Variants in NYAP2 observed in about 807,000 individuals in gnomAD.
The protein encoded by NYAP2 is neuronal tyrosine-phosphorylated phosphoinositide-3-kinase adaptor 2.
Under a neutral mutation model 50.4 loss-of-function variants are expected in NYAP2, and 23 were observed. The ratio of observed to expected loss-of-function variants is 0.46; its 90% confidence interval spans 0.33 to 0.65. The LOEUF (loss-of-function observed/expected upper bound fraction) is 0.65, where lower values mean the gene tolerates loss of function less well. NYAP2 is among the 30% of genes least tolerant of loss of function. NYAP2 has a pLI of 0.02. For missense variants in NYAP2, 885 were observed against 861.0 expected (o/e 1.03, Z -0.35); for synonymous variants, 394 against 365.2 (o/e 1.08, Z -0.90).
At chr2:225,491,130 A>G (rs566346922) in intron 3 of NYAP2, among the ~76,000 whole-genome samples, 64 of 152,350 alleles carry the variant, frequency 4.2e-4, no homozygotes, top group African/African-American at 1.2e-3. Flanking sequence ...GACTGTAAAA[A>G]GGCAAAAAAG....
intron 4 of NYAP2, among the ~76,000 whole-genome samples, chr2:225,579,031 T>A (rs1441288466): frequency 6.6e-6 from 1 of 151,586 alleles, no homozygotes; most frequent in Non-Finnish European, 1.5e-5. Flanking sequence ...GGCATGCACG[T>A]GCACGCACAC....
intron 4 of NYAP2, among the ~76,000 whole-genome samples, chr2:225,530,039 CA>C (rs1331715458): frequency 6.6e-6 from 1 of 152,082 alleles, no homozygotes; most frequent in Non-Finnish European, 1.5e-5. Flanking sequence ...GTATACCTGA[CA>C]AAAACATTTT....
intron 2 of NYAP2, among the ~76,000 whole-genome samples, chr2:225,406,840 A>G (rs925034387): frequency 6.6e-6 from 1 of 152,078 alleles, no homozygotes; most frequent in African/African-American, 2.4e-5. Context: ...ATTAACTTTC[A>G]GAGGTAAACA....
At chr2:225,427,859 C>T (rs918977689) in intron 3 of NYAP2, among the ~76,000 whole-genome samples, 2 of 152,146 alleles carry the variant, frequency 1.3e-5, no homozygotes, top group African/African-American at 2.4e-5. Context: ...CAGATCTTTG[C>T]TGGTGTCTCT....
At chr2:225,474,383 C>T (rs574568558) in intron 3 of NYAP2, among the ~76,000 whole-genome samples, 1 of 152,290 alleles carries the variant, frequency 6.6e-6, no homozygotes, top group African/African-American at 2.4e-5. Flanking sequence ...GGCATTGAAT[C>T]TATAAATTAC....
chr2:225,443,598 G>A (rs1392909376), intron 3 of NYAP2, among the ~76,000 whole-genome samples: 1 of 151,856 alleles, frequency 6.6e-6, no homozygotes, highest in East Asian at 1.9e-4. Context: ...GCAAGACTCT[G>A]TCTAAAATAA....
chr2:225,663,009 T>C, the NYAP2 span, among the ~76,000 whole-genome samples: 75 of 152,324 alleles, frequency 4.9e-4, no homozygotes, highest in East Asian at 0.014. Context: ...AAGCACACTT[T>C]AGACCAGAAG....
chr2:225,453,945 G>A (rs1689694228), intron 3 of NYAP2, among the ~76,000 whole-genome samples: 1 of 151,482 alleles, frequency 6.6e-6, no homozygotes. Context: ...CCAAAGTGCT[G>A]GGATTATAGG....
intron 4 of NYAP2, among the ~76,000 whole-genome samples, chr2:225,560,007 TG>T (rs1361688040): frequency 2.6e-5 from 4 of 152,106 alleles, no homozygotes; most frequent in Non-Finnish European, 4.4e-5. Flanking sequence ...ATATTATAGT[TG>T]CTTATTTTAA....
rs972038991 is a variant in NYAP2 at position 225,505,441 on chromosome 2, A to G, written c.222-7930A>G. Among the ~76,000 whole-genome samples the G allele has an allele frequency of 3.9e-5, 6 of 152,338 alleles. No individual in the cohort carries two copies. In the South Asian group the frequency reaches 8.3e-4, roughly 21 times the overall value. ...AACAATTTGAAGAAAATATGAACAC[A>G]GTTTAATTTTACTGAAGCCAAGTTT... is the stretch of plus-strand genomic sequence containing the variant. On this transcript the variant is annotated intron_variant, in intron 3 of 6. Coordinates refer to ENST00000636099, the Ensembl canonical transcript of NYAP2.
intron 5 of NYAP2, among the ~76,000 whole-genome samples, chr2:225,605,350 A>C (rs1270110044): frequency 6.6e-6 from 1 of 152,172 alleles, no homozygotes; most frequent in Non-Finnish European, 1.5e-5. Flanking sequence ...TTTTTTAAAA[A>C]AATTTATAGT....
chr2:225,596,460 G>C (rs553561497), intron 5 of NYAP2, among the ~76,000 whole-genome samples: 56 of 152,252 alleles, frequency 3.7e-4, no homozygotes, highest in African/African-American at 1.3e-3. Context: ...TCAACTATTT[G>C]AGTGAACAAA....
intron 6 of NYAP2, among the ~76,000 whole-genome samples, chr2:225,639,911 G>A (rs912689531): frequency 6.6e-6 from 1 of 152,144 alleles, no homozygotes; most frequent in Non-Finnish European, 1.5e-5. Flanking sequence ...GGAAGAGGAC[G>A]TAGTAGATGC....
At chr2:225,637,044 AT>A (rs35369925) in intron 6 of NYAP2, among the ~76,000 whole-genome samples, 17 of 151,926 alleles carry the variant, frequency 1.1e-4, no homozygotes, top group Admixed American at 3.3e-4. Context: ...GTGTTTTGCT[AT>A]TTTTTTTCCA....
chr2:225,618,860 G>A (rs1327991712), intron 5 of NYAP2, among the ~76,000 whole-genome samples: 1 of 152,208 alleles, frequency 6.6e-6, no homozygotes, highest in Non-Finnish European at 1.5e-5. Flanking sequence ...CAGGCAGGTA[G>A]GGGCTTTTGC....
chr2:225,417,707 C>T (rs2106124669), intron 3 of NYAP2, among the ~76,000 whole-genome samples: 1 of 152,174 alleles, frequency 6.6e-6, no homozygotes, highest in African/African-American at 2.4e-5. Context: ...TGAAGTGGTT[C>T]AGCAAAGAAT....
the NYAP2 span, among the ~76,000 whole-genome samples, chr2:225,693,511 C>G: frequency 6.6e-6 from 1 of 152,042 alleles, no homozygotes; most frequent in Non-Finnish European, 1.5e-5. Context: ...GAACAGAATA[C>G]TATACACTGG....
chr2:225,520,161 T>C (rs562602297), intron 4 of NYAP2, among the ~76,000 whole-genome samples: 1 of 152,384 alleles, frequency 6.6e-6, no homozygotes, highest in Admixed American at 6.5e-5. Flanking sequence ...CATCGTAGAT[T>C]CTGGATATTA....
chr2:225,429,567 AC>A (rs1695335841), intron 3 of NYAP2, among the ~76,000 whole-genome samples: 3 of 152,208 alleles, frequency 2.0e-5, no homozygotes, highest in Admixed American at 1.3e-4. Context: ...GTAAAATGAA[AC>A]TTTTTTGCAT....
Sources: gnomAD v4.1 joint callset for allele counts (sites outside exome capture counted in the v4.1 genomes callset) on GRCh38, gnomAD v4.1.1 for gene constraint, MANE v1.5 for transcripts, NCBI Gene and HGNC (gene_info 2026-07-23, HGNC 2026-07-21) for gene names.